CROCC: variants seen among roughly 807,000 people sequenced by gnomAD.
CROCC encodes the protein ciliary rootlet coiled-coil, rootletin, also known as rootletin.
Under a neutral mutation model 245.2 loss-of-function variants are expected in CROCC, and 180 were observed. The observed-to-expected ratio is 0.73, with a 90% CI of 0.65 to 0.83. The LOEUF (loss-of-function observed/expected upper bound fraction) is 0.83. CROCC is among the 40% of genes least tolerant of loss of function. CROCC has a pLI of 0.00. For missense variants in CROCC, 2,688 were observed against 2,779.4 expected (o/e 0.97, Z 0.74); for synonymous variants, 1,205 against 1,241.6 (o/e 0.97, Z 0.62).
At chr1:16,948,206 G>A (rs1238696835) in intron 17 of CROCC, 125 bp from the exon 18 acceptor site, 5 of 1,428,938 alleles carry the variant, frequency 3.5e-6, no homozygotes, top group African/African-American at 1.4e-5. Context: ...TAGCACATCA[G>A]GGCAGACCCT....
chr1:16,948,403 G>A lies in CROCC; in HGVS notation c.2587G>A (p.Ala863Thr), dbSNP rs781519366. The change falls in exon 18 of 37, where the codon GCG (alanine) becomes ACG (threonine). Residue 863 changes from alanine to threonine, a missense_variant. Ala to Thr is a moderately conservative substitution (Grantham distance 58). This residue lies in a region of CROCC where 295 missense variants were observed against 241.7 expected (regional missense o/e 1.22). Coordinates refer to ENST00000375541, the MANE Select transcript of CROCC (RefSeq NM_014675.5). The stretch of plus-strand genomic sequence containing the variant: ...GCGGGAGGCCCAGCGGCAAGTGGAG[G>A]CGCTGGAGCGAGCGGCCCGTGAGAA... ...ARREAQRQVE[A>T]LERAAREKEA... 3.8e-6 allele frequency: 6 copies of A among 1,576,250 alleles called. No individual in the cohort carries two copies. Among genetic ancestry groups the A allele is most frequent in the Non-Finnish European group, 5.2e-6 (6 of 1,163,586 alleles).
intron 1 of CROCC, among the ~76,000 whole-genome samples, chr1:16,914,846 A>G (rs180851514): frequency 1.3e-5 from 2 of 152,394 alleles, no homozygotes; most frequent in East Asian, 3.9e-4. Flanking sequence ...CCTTGGGAAG[A>G]CGATTGACTG....
Position 16,954,050 on chromosome 1 carries a change from GT to G in CROCC, c.3187-172del. Reference sequence around the variant, plus strand: ...AGTGGTATCCACGTCCGGGATTCTTGTGACTGCCGTTGTGCCCTTTTCCAGG... The same window carrying G: ...AGTGGTATCCACGTCCGGGATTCTTGGACTGCCGTTGTGCCCTTTTCCAGG... On this transcript the variant is annotated intron_variant, in intron 21 of 36. Transcript: ENST00000375541. The surrounding 1 kb of genome is among the most constrained non-coding windows in gnomAD (Gnocchi z 4.4). 1 of 594,814 alleles carries G rather than the reference GT, an allele frequency of 1.7e-6. No individual in the cohort carries two copies. Among genetic ancestry groups the G allele is most frequent in the Non-Finnish European group, 2.9e-6 (1 of 340,058 alleles). The allele number at this position is 594,814 out of a possible 1,614,324, so 36.8% of individuals were successfully genotyped here.
Position 16,936,855 on chromosome 1 carries a change from A to C in CROCC, c.1175A>C (p.Lys392Thr). The C allele has an allele frequency of 6.2e-7, 1 of 1,611,262 alleles. No individual in the cohort carries two copies. Among genetic ancestry groups the C allele is most frequent in the Non-Finnish European group, 8.5e-7 (1 of 1,179,028 alleles). The change falls in exon 9 of 37, where the codon AAG becomes ACG. Residue 392 changes from lysine (K) to threonine (T), a missense_variant. Around this residue, in one of 9 missense-constraint regions of CROCC, gnomAD observed 972 missense variants for 895.3 expected, o/e 1.09. Coordinates refer to ENST00000375541, the MANE Select transcript of CROCC (RefSeq NM_014675.5). ...CAGCAGATGCAAAGCGACCTGGACAAGGCTGACCTCAGTGCCAGGTGGGTA... is the reference window on the plus strand; with the variant it reads ...CAGCAGATGCAAAGCGACCTGGACACGGCTGACCTCAGTGCCAGGTGGGTA... Reference protein sequence around the residue: ...AQQQMQSDLDKADLSARVTEL... With the variant: ...AQQQMQSDLDTADLSARVTEL...
intron 12 of CROCC, 70 bp downstream of exon 12, chr1:16,939,212 G>GGGCGGGGGCGGT (rs1553154588): frequency 8.0e-7 from 1 of 1,243,866 alleles, no homozygotes; most frequent in African/African-American, 1.7e-5. Context: ...CTCCGGGTGG[G>GGGCGGGGGCGGT]GGCGGGGGCG....
chr1:16,937,947 A>G (rs1211621871), intron 10 of CROCC, among the ~76,000 whole-genome samples: 20 of 152,262 alleles, frequency 1.3e-4, no homozygotes, highest in Admixed American at 2.6e-4. Flanking sequence ...TAATCCTCAT[A>G]ACACAGATGG....
chr1:16,938,857 C>T lies in CROCC; in HGVS notation c.1375-52C>T, dbSNP rs1276744413. On this transcript the variant is annotated intron_variant, in intron 11 of 36. Coordinates refer to ENST00000375541, the MANE Select transcript of CROCC (RefSeq NM_014675.5). Reference sequence around the variant, plus strand: ...ACCTGGGCGTCTTTGCCCAGCTAACCCCGCGGTTCCTAACTCAGCAGCCTC... The same window carrying T: ...ACCTGGGCGTCTTTGCCCAGCTAACTCCGCGGTTCCTAACTCAGCAGCCTC... 1.1e-5 allele frequency: 17 copies of T among 1,554,596 alleles called. 1 individual carries two copies. Among genetic ancestry groups the T allele is most frequent in the Middle Eastern group, 1.7e-4 (1 of 5,982 alleles).
rs2076043287 is a variant in CROCC, at chr1:16,946,260, C to G, written c.2138C>G (p.Ala713Gly). 3 of 1,612,538 alleles carry G rather than the reference C, an allele frequency of 1.9e-6. No homozygotes were observed. In the South Asian group the frequency reaches 3.3e-5, roughly 18 times the overall value. ...ATTTCTCGGGGCCTGACCCTGCAGG[C>G]TGAGGCTGGCCGCGTGGAGCTCGAG... ...KAEVAEALTK[A>G]EAGRVELELS... Residue 713 changes from alanine (A) to glycine (G), a missense_variant and splice_region_variant, in exon 16 of 37, where the codon GCT becomes GGT. By Grantham distance (60) the Ala-to-Gly change is moderately conservative. Transcript: ENST00000375541.
At chr1:16,922,121 G>A (rs1425850112) in intron 1 of CROCC, 43 bp downstream of exon 1, 2 of 1,493,814 alleles carry the variant, frequency 1.3e-6, no homozygotes, top group South Asian at 1.3e-5. Flanking sequence ...GGGCGGGGCA[G>A]CGTGGACTTA....
chr1:16,938,245 G>T (rs560107072), intron 10 of CROCC, among the ~76,000 whole-genome samples, 155 bp from the exon 11 acceptor site: 7 of 152,408 alleles, frequency 4.6e-5, no homozygotes, highest in African/African-American at 1.7e-4. Flanking sequence ...GTTCAGTGAG[G>T]GCCTCGGGCC....
At chr1:16,915,260 A>G (rs547446108) in intron 1 of CROCC, among the ~76,000 whole-genome samples, 31 of 152,390 alleles carry the variant, frequency 2.0e-4, no homozygotes, top group African/African-American at 7.2e-4. Flanking sequence ...GCCAGAGCCA[A>G]GGGGAATCAT....
At position 16,922,216 on chromosome 1, in the gene CROCC, C is replaced by T. The variant is rs1399302930; in HGVS notation, c.60+138C>T. On this transcript the variant is annotated intron_variant, in intron 1 of 36. Transcript: ENST00000375541. ...TGGTGGGGTATACAGGGGCCCCCCG[C>T]TTGCAGTTCCTGGCAAGATGGGGGG... is the stretch of plus-strand genomic sequence containing the variant. 1.4e-5 allele frequency: 12 copies of T among 877,842 alleles called. No homozygotes were observed. The East Asian group carries it at 3.1e-4, about 23-fold the overall frequency. The allele number at this position is 877,842 out of a possible 1,614,324, so 54.4% of individuals were successfully genotyped here. A position where few individuals can be genotyped will look rare whatever the true frequency, so the allele number is the denominator to read the frequency against.
rs1189308744 is a variant in CROCC, at chr1:16,948,818, G to A, written c.2728G>A (p.Glu910Lys). ...CTGCAGCTTGGAGAAGGAAGCCCTGGAGGGCAGCCTGTTTGAGGTGCAACG... is the reference window on the plus strand; with the variant it reads ...CTGCAGCTTGGAGAAGGAAGCCCTGAAGGGCAGCCTGTTTGAGGTGCAACG... ...TRLRLEKEAL[E>K]GSLFEVQRQL... The change falls in exon 19 of 37, where the codon GAG becomes AAG. Residue 910 changes from glutamate to lysine, a missense_variant. Glu to Lys is a moderately conservative substitution (Grantham distance 56). This residue lies in a region of CROCC where 26 missense variants were observed against 40.3 expected (regional missense o/e 0.64). Transcript: ENST00000375541. The A allele has an allele frequency of 6.2e-7, 1 of 1,611,548 alleles. No individual in the cohort carries two copies. The highest frequency in any genetic ancestry group is 8.5e-7 in the Non-Finnish European group (1 of 1,179,864).
At chr1:16,971,758 C>G (rs1040931339) in intron 36 of CROCC, 111 bp downstream of exon 36, 1 of 1,137,384 alleles carries the variant, frequency 8.8e-7, no homozygotes, top group African/African-American at 1.6e-5. Flanking sequence ...CTCCCGTAAC[C>G]GAAAAGGGTG....
In CROCC at chr1:16,969,145, C is replaced by T; in HGVS notation, c.5106C>T (p.Thr1702=). The T allele has an allele frequency of 1.2e-6, 2 of 1,607,826 alleles. No homozygotes were observed. The highest frequency in any genetic ancestry group is 8.5e-7 in the Non-Finnish European group (1 of 1,177,698). The change falls in exon 32 of 37, where the codon ACC becomes ACT. Residue 1702 remains threonine, a synonymous_variant. Transcript: ENST00000375541. The part of the protein sequence containing the change: ...QVADSEVKAG[T]LQLTVERLNG... ...CCGACAGCGAGGTGAAGGCAGGGAC[C>T]CTGCAGCTGACCGTGGAGCGGCTGA... is the stretch of plus-strand genomic sequence containing the variant.
intron 26 of CROCC, among the ~76,000 whole-genome samples, chr1:16,959,641 G>A (rs1300264004): frequency 6.6e-5 from 10 of 152,316 alleles, no homozygotes; most frequent in Non-Finnish European, 1.3e-4. Context: ...TAAATGGCAG[G>A]GGTGGCTTTG....
intron 3 of CROCC, 143 bp downstream of exon 3, chr1:16,924,622 T>A: frequency 9.4e-7 from 1 of 1,066,498 alleles, no homozygotes; most frequent in Non-Finnish European, 1.4e-6. Context: ...TCTGCCACCT[T>A]GAGTGGCGTT....
intron 26 of CROCC, among the ~76,000 whole-genome samples, 183 bp downstream of exon 26, chr1:16,958,933 C>T (rs1461296504): frequency 2.6e-5 from 4 of 152,152 alleles, no homozygotes; most frequent in Non-Finnish European, 5.9e-5. Flanking sequence ...TACTGTGTGC[C>T]GGCACAAAAT....
intron 31 of CROCC, 54 bp downstream of exon 31, chr1:16,968,472 CT>C: frequency 7.0e-7 from 1 of 1,431,214 alleles, no homozygotes; most frequent in Non-Finnish European, 9.2e-7. Context: ...GTGCCAAGAG[CT>C]TTGTAGGCAC....
Sources: gnomAD v4.1 joint callset for allele counts (sites outside exome capture counted in the v4.1 genomes callset) on GRCh38, gnomAD v4.1.1 for gene constraint, gnomAD v4.1.1 regional missense constraint, Gnocchi (gnomAD v3.1) non-coding constraint, MANE v1.5 for transcripts, NCBI Gene and HGNC (gene_info 2026-07-23, HGNC 2026-07-21) for gene names.